TBC1D10A: variants seen among roughly 807,000 people sequenced by gnomAD.
TBC1D10A encodes the protein EBP50-PDX interactor of 64 kDa.
TBC1D10A carries 24 observed loss-of-function variants against 52.9 expected under a neutral mutation model. That is an observed-to-expected ratio of 0.45 (90% CI 0.33 to 0.64). The LOEUF (loss-of-function observed/expected upper bound fraction) is 0.64, where lower values mean the gene tolerates loss of function less well. TBC1D10A is among the 30% of genes least tolerant of loss of function. The pLI is 0.02. For synonymous variants in TBC1D10A, 278 were observed against 282.9 expected (o/e 0.98, Z 0.17); for missense variants, 602 against 687.9 (o/e 0.88, Z 1.40).
chr22:30,302,368 C>T (rs887675090), intron 2 of TBC1D10A, among the ~76,000 whole-genome samples: 1 of 152,204 alleles, frequency 6.6e-6, no homozygotes, highest in African/African-American at 2.4e-5. Flanking sequence ...GCATTCCAGC[C>T]CCAGCCCTGC....
chr22:30,303,592 A>C (rs1005792441), intron 2 of TBC1D10A, among the ~76,000 whole-genome samples: 3 of 152,242 alleles, frequency 2.0e-5, no homozygotes, highest in Non-Finnish European at 4.4e-5. Context: ...GCTGGGCCCA[A>C]GTCTATATGC....
intron 1 of TBC1D10A, among the ~76,000 whole-genome samples, chr22:30,308,175 A>G (rs1026267767): frequency 2.0e-5 from 3 of 152,220 alleles, no homozygotes; most frequent in Non-Finnish European, 4.4e-5. Context: ...TAAGTGGCAG[A>G]GCTGGGACTC....
chr22:30,308,775 A>C (rs928779402), intron 1 of TBC1D10A, among the ~76,000 whole-genome samples: 1 of 152,144 alleles, frequency 6.6e-6, no homozygotes, highest in African/African-American at 2.4e-5. Context: ...TGACATCATT[A>C]CCTTCATCTG....
chr22:30,315,153 A>G (rs1302845349), intron 1 of TBC1D10A, among the ~76,000 whole-genome samples: 1 of 152,178 alleles, frequency 6.6e-6, no homozygotes, highest in East Asian at 1.9e-4. Context: ...GCTGAGTGGG[A>G]CTGGCTCCTG....
intron 1 of TBC1D10A, 50 bp downstream of exon 1, chr22:30,326,623 G>T: frequency 6.5e-7 from 1 of 1,537,224 alleles, no homozygotes; most frequent in Non-Finnish European, 8.7e-7. Flanking sequence ...TCCGTGTCGA[G>T]GCCCCTCGCG....
At chr22:30,317,181 G>A (rs1930555673) in intron 1 of TBC1D10A, among the ~76,000 whole-genome samples, 1 of 152,196 alleles carries the variant, frequency 6.6e-6, no homozygotes, top group Admixed American at 6.5e-5. Flanking sequence ...GCCAAGGTGG[G>A]TGGATCACCT....
At chr22:30,302,654 A>G (rs558424282) in intron 2 of TBC1D10A, among the ~76,000 whole-genome samples, 48 of 152,356 alleles carry the variant, frequency 3.2e-4, no homozygotes, top group African/African-American at 1.1e-3. Flanking sequence ...GGAGAGAAGC[A>G]GTGAGTTAGG....
At chr22:30,321,400 A>C (rs1355119634) in intron 1 of TBC1D10A, among the ~76,000 whole-genome samples, 1 of 152,228 alleles carries the variant, frequency 6.6e-6, no homozygotes, top group African/African-American at 2.4e-5. Flanking sequence ...GAGTTTACTA[A>C]CTAGAGAATA....
chr22:30,326,596 T>C (rs1930780552), intron 1 of TBC1D10A, 77 bp downstream of exon 1: 1 of 1,409,936 alleles, frequency 7.1e-7, no homozygotes. Flanking sequence ...TGTCGGCAAG[T>C]CCCGAGGGCG....
chr22:30,294,252 G>C, intron 6 of TBC1D10A, 142 bp from the exon 7 acceptor site: 7 of 930,486 alleles, frequency 7.5e-6, no homozygotes, highest in East Asian at 2.6e-5. Context: ...CCAGGTGCTA[G>C]GATACAATGA....
chr22:30,317,744 C>T (rs1053624621), intron 1 of TBC1D10A, among the ~76,000 whole-genome samples: 5 of 152,278 alleles, frequency 3.3e-5, no homozygotes, highest in South Asian at 2.1e-4. Flanking sequence ...CTAGGACTAC[C>T]GGCACGTGCC....
At chr22:30,321,349 T>C (rs1930648706) in intron 1 of TBC1D10A, among the ~76,000 whole-genome samples, 1 of 152,080 alleles carries the variant, frequency 6.6e-6, no homozygotes, top group Non-Finnish European at 1.5e-5. Context: ...AGCTCCATGC[T>C]CTCCTGGGAT....
rs752454401 is a variant in TBC1D10A, at chr22:30,294,925, C to G, written c.639+16G>C. On this transcript the variant is annotated intron_variant, in intron 5 of 8. Coordinates refer to ENST00000215790, the MANE Select transcript of TBC1D10A (RefSeq NM_031937.3). ...TTCCCCACCCACCCCCCTGCCTGCC[C>G]GGGGCCTGGTGGTACCTCAGCAGGC... 3.1e-6 allele frequency: 5 copies of G among 1,613,874 alleles called. No homozygotes were observed. The African/African-American group carries it at 6.7e-5, about 22-fold the overall frequency.
chr22:30,299,410 G>A (rs1290868159), intron 3 of TBC1D10A, 34 bp downstream of exon 3: 2 of 1,604,034 alleles, frequency 1.2e-6, no homozygotes, highest in Admixed American at 1.7e-5. Flanking sequence ...AAGAGATGCG[G>A]AAGGGAGGGC....
chr22:30,306,505 A>C (rs889744735), intron 1 of TBC1D10A, among the ~76,000 whole-genome samples: 1 of 152,192 alleles, frequency 6.6e-6, no homozygotes, highest in Non-Finnish European at 1.5e-5. Flanking sequence ...CCCCAATGTC[A>C]AACCTCAAAC....
Position 30,293,799 on chromosome 22 carries a change from T to G in TBC1D10A, c.902A>C (p.Lys301Thr). 1.2e-6 allele frequency: 2 copies of G among 1,611,526 alleles called. No homozygotes were observed. The highest frequency in any genetic ancestry group is 2.2e-5 in the South Asian group (2 of 91,052). The part of the protein sequence containing the change: ...VWDMFFCEGV[K>T]IIFRVGLVLL... ...CACCAGCCCCACCCGGAAGATGATC[T>G]TGACCCCTGCATGGGGGATGGGCAG... The change falls in exon 8 of 9, where the codon AAG (lysine) becomes ACG (threonine). Residue 301 changes from lysine (K) to threonine (T), a missense_variant. This residue lies in a region of TBC1D10A where 265 missense variants were observed against 275.1 expected (regional missense o/e 0.96). Transcript: ENST00000215790.
chr22:30,305,470 T>C (rs915616350), intron 1 of TBC1D10A: 3 of 152,276 alleles, frequency 2.0e-5, no homozygotes, highest in African/African-American at 7.2e-5. Context: ...AGAGGTAAGA[T>C]ACTCAGGAAA....
At chr22:30,296,035 G>A (rs1930073609) in intron 3 of TBC1D10A, 192 bp from the exon 4 acceptor site, 1 of 595,814 alleles carries the variant, frequency 1.7e-6, no homozygotes, top group Admixed American at 3.0e-5. Context: ...GGGGCAAAGG[G>A]GCAAGGAGGG....
At chr22:30,313,220 C>T (rs961006582) in intron 1 of TBC1D10A, among the ~76,000 whole-genome samples, 7 of 152,170 alleles carry the variant, frequency 4.6e-5, no homozygotes, top group African/African-American at 1.7e-4. Flanking sequence ...GCTTCTCCAC[C>T]TAAGGGCTGT....
Sources: gnomAD v4.1 joint callset for allele counts (sites outside exome capture counted in the v4.1 genomes callset) on GRCh38, gnomAD v4.1.1 for gene constraint, gnomAD v4.1.1 regional missense constraint, MANE v1.5 for transcripts, NCBI Gene and HGNC (gene_info 2026-07-23, HGNC 2026-07-21) for gene names.